KYAT3: variants seen among roughly 807,000 people sequenced by gnomAD.
The protein encoded by KYAT3 is kynurenine--oxoglutarate transaminase 3.
A neutral mutation model predicts 59.0 loss-of-function variants in KYAT3; 50 were observed. The ratio of observed to expected loss-of-function variants is 0.85; its 90% CI spans 0.68 to 1.07. The LOEUF is 1.07. Among genes scored for constraint, KYAT3 ranks in the 50% least tolerant of loss-of-function variants. The probability of loss-of-function intolerance (pLI) is 0.00; values close to 1 mark genes in which losing one functional copy is unlikely to be tolerated. For synonymous variants in KYAT3, 148 were observed against 177.0 expected (o/e 0.84, Z 1.30); for missense variants, 497 against 533.3 (o/e 0.93, Z 0.67).
At chr1:88,961,012 A>C (rs1483347374) in intron 8 of KYAT3, among the ~76,000 whole-genome samples, 155 bp downstream of exon 8, 2 of 152,238 alleles carry the variant, frequency 1.3e-5, no homozygotes, top group Non-Finnish European at 2.9e-5. Context: ...CAATTCACTA[A>C]AGTATTGCTC....
At chr1:88,980,932 A>C (rs1163023411) in intron 2 of KYAT3, 2 of 152,200 alleles carry the variant, frequency 1.3e-5, no homozygotes, top group Non-Finnish European at 2.9e-5. Context: ...TGTTGTACTT[A>C]CTATCCCTAG....
chr1:88,955,027 A>C (rs1675848190), intron 9 of KYAT3, 122 bp downstream of exon 9: 1 of 645,980 alleles, frequency 1.5e-6, no homozygotes, highest in East Asian at 3.0e-5. Flanking sequence ...TAGCCTCCCA[A>C]AGTGCTGGGA....
rs776119380 is a variant in KYAT3, at chr1:88,964,345, C to T, written c.453+484G>A. 1.1e-4 allele frequency among the ~76,000 whole-genome samples: 16 copies of T among 152,272 alleles called. 1 individual carries two copies. The highest frequency in any genetic ancestry group is 6.8e-3 in the Middle Eastern group (2 of 294). On this transcript the variant is annotated intron_variant, in intron 5 of 13. Coordinates refer to ENST00000260508, the MANE Select transcript of KYAT3 (RefSeq NM_001008661.3). ...CAATGAAAACAAAAGATTCTTTTTC[C>T]CTGGCAGTGTTAGTCCCTTCCATCT...
At chr1:88,923,669 C>G in the KYAT3 span, 6 of 223,812 alleles carry the variant, frequency 2.7e-5, no homozygotes, top group South Asian at 5.5e-5. Flanking sequence ...GGATAATGGA[C>G]TTCAGAAATC....
rs1273749124 is a variant in KYAT3 at position 88,959,892 on chromosome 1, T to C, written c.787+1275A>G. On this transcript the variant is annotated intron_variant, in intron 8 of 13. Transcript: ENST00000260508. ...ATTTAATATATAAGTGCATTACATT[T>C]CTTATTTTTATTTTTCTTAAAAAAA... Among the ~76,000 whole-genome samples, 14 of 151,196 alleles carry C rather than the reference T, an allele frequency of 9.3e-5. No individual in the cohort carries two copies. The East Asian group carries it at 2.2e-3, about 24-fold the overall frequency.
chr1:88,941,165 A>T (rs574628211), intron 13 of KYAT3, among the ~76,000 whole-genome samples: 1 of 152,356 alleles, frequency 6.6e-6, no homozygotes, highest in African/African-American at 2.4e-5. Flanking sequence ...CCAGTGTAAG[A>T]TGAAGGATAT....
Position 88,961,159 on chromosome 1 carries a change from G to A in KYAT3, c.787+8C>T. On this transcript the variant is annotated splice_region_variant and intron_variant, in intron 8 of 13. Coordinates refer to ENST00000260508, the MANE Select transcript of KYAT3 (RefSeq NM_001008661.3). The stretch of plus-strand genomic sequence containing the variant: ...TTTAGATATGTGACTCTGTGTTATA[G>A]TTGGTACCTATTTTTAAGTGCTTAT... The A allele has an allele frequency of 6.2e-7, 1 of 1,612,960 alleles. No homozygotes were observed. The highest frequency in any genetic ancestry group is 8.5e-7 in the Non-Finnish European group (1 of 1,179,694).
chr1:88,926,729 G>GTC, the KYAT3 span, among the ~76,000 whole-genome samples: 3 of 152,140 alleles, frequency 2.0e-5, no homozygotes, highest in African/African-American at 7.2e-5. Flanking sequence ...CTAATAATTG[G>GTC]TCTCCTCAAA....
At chr1:88,952,222 T>C (rs1455990111) in intron 10 of KYAT3, among the ~76,000 whole-genome samples, 1 of 152,218 alleles carries the variant, frequency 6.6e-6, no homozygotes, top group African/African-American at 2.4e-5. Flanking sequence ...AGATCATGGT[T>C]TATGTAATCA....
chr1:88,979,245 C>T (rs570414619), intron 2 of KYAT3, among the ~76,000 whole-genome samples: 1 of 152,116 alleles, frequency 6.6e-6, no homozygotes, highest in Non-Finnish European at 1.5e-5. Context: ...TCTCAGTTTG[C>T]ATTTCTTTAC....
chr1:88,967,818 G>C (rs113922601), intron 4 of KYAT3, among the ~76,000 whole-genome samples: 8 of 151,696 alleles, frequency 5.3e-5, no homozygotes, highest in African/African-American at 1.9e-4. Context: ...TTTACTTATT[G>C]ATCTTTTCAA....
At position 88,949,130 on chromosome 1, in the gene KYAT3, C is replaced by T; in HGVS notation, c.1102G>A (p.Asp368Asn). The T allele has an allele frequency of 6.2e-7, 1 of 1,604,790 alleles. No homozygotes were observed. Among genetic ancestry groups the T allele is most frequent in the Non-Finnish European group, 8.5e-7 (1 of 1,177,022 alleles). The change falls in exon 11 of 14, where the codon GAT (aspartate) becomes AAT (asparagine). Residue 368 changes from aspartate (D) to asparagine (N), a missense_variant. Physicochemically the swap from Asp to Asn is conservative, Grantham distance 23. Coordinates refer to ENST00000260508, the MANE Select transcript of KYAT3 (RefSeq NM_001008661.3). Reference sequence around the variant, plus strand: ...TCAGCGATGATGAAGTATCCTCCATCAGGAACTATGGGTTTTAGGCCAACA... The same window carrying T: ...TCAGCGATGATGAAGTATCCTCCATTAGGAACTATGGGTTTTAGGCCAACA... ...ESVGLKPIVPDGGYFIIADVS... is the reference protein window; with the variant it reads ...ESVGLKPIVPNGGYFIIADVS...
At chr1:88,982,878 G>A (rs1677177230) in intron 2 of KYAT3, 8 of 1,613,834 alleles carry the variant, frequency 5.0e-6, no homozygotes, top group African/African-American at 2.7e-5. Flanking sequence ...TATCCATCAC[G>A]TGAGCTGCTA....
chr1:88,966,249 T>A (rs1321299707), intron 4 of KYAT3, among the ~76,000 whole-genome samples: 1 of 152,168 alleles, frequency 6.6e-6, no homozygotes, highest in Non-Finnish European at 1.5e-5. Context: ...CTAATGAAAC[T>A]TTATTTACAA....
intron 8 of KYAT3, among the ~76,000 whole-genome samples, chr1:88,957,065 A>C (rs1313561908): frequency 9.2e-5 from 14 of 152,202 alleles, no homozygotes; most frequent in Non-Finnish European, 1.9e-4. Flanking sequence ...AGTGCCTACT[A>C]AAATGTAAGG....
chr1:88,990,373 T>C (rs1677718009), intron 1 of KYAT3, among the ~76,000 whole-genome samples: 1 of 152,154 alleles, frequency 6.6e-6, no homozygotes, highest in Non-Finnish European at 1.5e-5. Flanking sequence ...CAATCTACGC[T>C]CCTCAACCCA....
rs763775037 is a variant in KYAT3 at position 88,992,387 on chromosome 1, C to G, written c.-2+198G>C. ...GTGACCCGGGTCTAGGGGATTCCCCCCTGGAGGCCAGTCACCTCGGCGCCT... is the reference window on the plus strand; with the variant it reads ...GTGACCCGGGTCTAGGGGATTCCCCGCTGGAGGCCAGTCACCTCGGCGCCT... On this transcript the variant is annotated intron_variant, in intron 1 of 13. Coordinates refer to ENST00000260508, the MANE Select transcript of KYAT3 (RefSeq NM_001008661.3). Among the ~76,000 whole-genome samples the G allele has an allele frequency of 8.5e-5, 13 of 152,358 alleles. No individual in the cohort carries two copies. In the East Asian group the frequency reaches 2.3e-3, roughly 27 times the overall value.
At chr1:88,958,071 C>T (rs922871869) in intron 8 of KYAT3, among the ~76,000 whole-genome samples, 1 of 152,160 alleles carries the variant, frequency 6.6e-6, no homozygotes, top group Non-Finnish European at 1.5e-5. Context: ...AAAAATATAT[C>T]CCATTATAAT....
chr1:88,976,243 G>C (rs1409761987), intron 2 of KYAT3, among the ~76,000 whole-genome samples: 1 of 151,400 alleles, frequency 6.6e-6, no homozygotes, highest in Non-Finnish European at 1.5e-5. Flanking sequence ...TGTAGTCCCA[G>C]CTACTCCGGA....
Sources: allele counts gnomAD v4.1 joint callset (sites outside exome capture counted in the v4.1 genomes callset), GRCh38; gene constraint gnomAD v4.1.1; transcripts MANE v1.5; gene names NCBI Gene and HGNC (gene_info 2026-07-23, HGNC 2026-07-21).